ADGRV1: variants seen among roughly 807,000 people sequenced by gnomAD.
ADGRV1 encodes G-protein coupled receptor 98.
ADGRV1 carries 359 observed loss-of-function variants against 596.2 expected under a neutral mutation model. The ratio of observed to expected loss-of-function variants is 0.60; its 90% CI spans 0.55 to 0.66. ADGRV1 has a LOEUF of 0.66. Among genes scored for constraint, ADGRV1 ranks in the 30% least tolerant of loss-of-function variants. The pLI, the probability that ADGRV1 is intolerant of heterozygous loss-of-function variation, is 0.00. For missense variants in ADGRV1, 7,274 were observed against 7,575.6 expected (o/e 0.96, Z 1.48); for synonymous variants, 2,681 against 2,679.2 (o/e 1.00, Z -0.02).
chr5:90,848,366 G>A (rs923617161), intron 78 of ADGRV1, among the ~76,000 whole-genome samples: 1 of 152,060 alleles, frequency 6.6e-6, no homozygotes, highest in Non-Finnish European at 1.5e-5. Context: ...TAAATAATCT[G>A]TGCAGGCATT....
chr5:91,026,309 A>C (rs149939528), intron 85 of ADGRV1, among the ~76,000 whole-genome samples: 3 of 152,302 alleles, frequency 2.0e-5, no homozygotes, highest in African/African-American at 7.2e-5. Flanking sequence ...GCATAAAACA[A>C]TGCCTTTCAA....
intron 78 of ADGRV1, among the ~76,000 whole-genome samples, chr5:90,843,228 A>G (rs371728747): frequency 2.7e-4 from 41 of 152,332 alleles, no homozygotes; most frequent in African/African-American, 9.9e-4. Flanking sequence ...AAAAGAAGAA[A>G]AAAGGAGAGG....
intron 67 of ADGRV1, among the ~76,000 whole-genome samples, chr5:90,787,419 C>G (rs1759568371): frequency 6.6e-6 from 1 of 152,090 alleles, no homozygotes; most frequent in South Asian, 2.1e-4. Context: ...ACAGCCTGTG[C>G]ACACAGCAGG....
chr5:90,992,562 G>C (rs553203728), intron 85 of ADGRV1, among the ~76,000 whole-genome samples: 1 of 152,286 alleles, frequency 6.6e-6, no homozygotes, highest in East Asian at 1.9e-4. Flanking sequence ...TCACAGCATT[G>C]CTGACAAACA....
Position 90,697,155 on chromosome 5 carries a change from C to CT in ADGRV1, c.8155+16dup, listed in dbSNP as rs751189991. The CT allele has an allele frequency of 1.1e-5, 17 of 1,606,110 alleles. No individual in the cohort carries two copies. Among genetic ancestry groups the CT allele is most frequent in the Non-Finnish European group, 1.3e-5 (15 of 1,174,954 alleles). ...TGTCATAGGTCATGAAGGTGGGTTCCTTTTTTTGTTAAGCATATTCATTTT... is the reference window on the plus strand; with the variant it reads ...TGTCATAGGTCATGAAGGTGGGTTCCTTTTTTTTGTTAAGCATATTCATTTT... On this transcript the variant is annotated intron_variant, in intron 34 of 89. Coordinates refer to ENST00000405460, the MANE Select transcript of ADGRV1 (RefSeq NM_032119.4).
rs139578565 is a variant in ADGRV1, at chr5:90,722,901, A to C, written c.9748+1842A>C. ...ATAGACTGAACTATAAGAAGGTTCA[A>C]CTTGAATGGCTGAGGATATGGGATG... On this transcript the variant is annotated intron_variant, in intron 45 of 89. Transcript: ENST00000405460. 4.2e-3 allele frequency among the ~76,000 whole-genome samples: 635 copies of C among 152,146 alleles called. 3 individuals carry two copies. Among genetic ancestry groups the C allele is most frequent in the African/African-American group, 0.014 (579 of 41,516 alleles).
chr5:90,852,308 A>C (rs978552768), intron 79 of ADGRV1, among the ~76,000 whole-genome samples: 12 of 152,212 alleles, frequency 7.9e-5, no homozygotes, highest in Non-Finnish European at 1.6e-4. Context: ...TCCATTTCCT[A>C]CGTCTGGGGT....
At chr5:91,042,649 C>A (rs1331437106) in intron 85 of ADGRV1, among the ~76,000 whole-genome samples, 1 of 152,068 alleles carries the variant, frequency 6.6e-6, no homozygotes, top group Non-Finnish European at 1.5e-5. Context: ...AATTAACCAT[C>A]AGGATAATTT....
intron 84 of ADGRV1, among the ~76,000 whole-genome samples, chr5:90,971,590 C>A (rs982777090): frequency 2.0e-5 from 3 of 152,160 alleles, no homozygotes; most frequent in Non-Finnish European, 4.4e-5. Flanking sequence ...AATTTCATAT[C>A]CAGCCAAACT....
intron 50 of ADGRV1, among the ~76,000 whole-genome samples, chr5:90,732,441 C>A (rs1752674525): frequency 6.6e-6 from 1 of 152,086 alleles, no homozygotes; most frequent in Non-Finnish European, 1.5e-5. Flanking sequence ...CCATCCATTA[C>A]CTCACATATT....
chr5:90,799,025 G>T (rs751249897), intron 70 of ADGRV1, among the ~76,000 whole-genome samples: 31 of 152,164 alleles, frequency 2.0e-4, no homozygotes, highest in Non-Finnish European at 3.2e-4. Context: ...ACAAGACAAG[G>T]ATGCCCTCTG....
chr5:90,956,970 A>G (rs1294831525), intron 83 of ADGRV1, among the ~76,000 whole-genome samples: 2 of 152,144 alleles, frequency 1.3e-5, no homozygotes, highest in Non-Finnish European at 2.9e-5. Flanking sequence ...ATATTCTCTT[A>G]AGGGACTGAG....
intron 50 of ADGRV1, among the ~76,000 whole-genome samples, chr5:90,741,926 T>G (rs1241430639): frequency 6.6e-6 from 1 of 152,206 alleles, no homozygotes; most frequent in Non-Finnish European, 1.5e-5. Context: ...TTTATTCTGG[T>G]TAATGACTTG....
chr5:90,975,718 G>T (rs1562030038), intron 84 of ADGRV1, among the ~76,000 whole-genome samples: 1 of 152,078 alleles, frequency 6.6e-6, no homozygotes, highest in Non-Finnish European at 1.5e-5. Context: ...TCGAGGGAGG[G>T]GTTAGGGAAA....
rs74448718 is a variant in ADGRV1, at chr5:91,024,714, A to G, written c.18152+39192A>G. Reference sequence around the variant, plus strand: ...AAACTACAGCATGAGCGTTCTCCATAGGGTTTAGAATGCGGCTTATTGCTT... The same window carrying G: ...AAACTACAGCATGAGCGTTCTCCATGGGGTTTAGAATGCGGCTTATTGCTT... On this transcript the variant is annotated intron_variant, in intron 85 of 89. Transcript: ENST00000405460. Among the ~76,000 whole-genome samples, 1,273 of 152,256 alleles carry G rather than the reference A, an allele frequency of 8.4e-3. 22 individuals are homozygous for G. The highest frequency in any genetic ancestry group is 0.029 in the African/African-American group (1,202 of 41,554).
Position 90,684,169 on chromosome 5 carries a change from T to A in ADGRV1, c.6248T>A (p.Leu2083Ter). ...SVFIELLNST[L>*]VAKVQSRSIP... ...TTTATCGAACTACTCAACTCTACTT[T>A]AGTAGCGAAAGTACAGAGTCGTTCA... The change falls in exon 28 of 90, where the codon TTA becomes TAA. Residue 2083 changes from leucine (L) to a stop codon, truncating the protein, a stop_gained. Coordinates refer to ENST00000405460, the MANE Select transcript of ADGRV1 (RefSeq NM_032119.4). LOFTEE classifies it high-confidence loss of function. 6.2e-7 allele frequency: 1 copy of A among 1,612,914 alleles called. No individual in the cohort carries two copies. Among genetic ancestry groups the A allele is most frequent in the Non-Finnish European group, 8.5e-7 (1 of 1,179,332 alleles).
At chr5:90,852,675 T>G (rs910085473) in intron 79 of ADGRV1, among the ~76,000 whole-genome samples, 3 of 152,248 alleles carry the variant, frequency 2.0e-5, no homozygotes, top group Non-Finnish European at 4.4e-5. Flanking sequence ...CACTGAGGTT[T>G]AGAAGCAATT....
chr5:91,118,310 A>G (rs572142202), intron 87 of ADGRV1, among the ~76,000 whole-genome samples: 1 of 152,246 alleles, frequency 6.6e-6, no homozygotes, highest in Non-Finnish European at 1.5e-5. Flanking sequence ...GGATGGTCAC[A>G]TGAGCAAAGT....
At chr5:90,911,747 T>G (rs1772907083) in intron 83 of ADGRV1, among the ~76,000 whole-genome samples, 3 of 152,302 alleles carry the variant, frequency 2.0e-5, no homozygotes, top group African/African-American at 7.2e-5. Flanking sequence ...CTCTGTTATC[T>G]TATCTTTCTG....
Sources: allele counts gnomAD v4.1 joint callset (sites outside exome capture counted in the v4.1 genomes callset), GRCh38; gene constraint gnomAD v4.1.1; transcripts MANE v1.5; gene names NCBI Gene and HGNC (gene_info 2026-07-23, HGNC 2026-07-21).